AKAP8L: variants seen among roughly 807,000 people sequenced by gnomAD.
AKAP8L encodes the protein A-kinase anchoring protein 8 like, also known as A-kinase anchor protein 8-like.
Under a neutral mutation model 77.5 loss-of-function variants are expected in AKAP8L, and 34 were observed. The observed-to-expected ratio is 0.44, with a 90% CI of 0.33 to 0.58. The LOEUF is 0.58. AKAP8L is among the 20% of genes least tolerant of loss of function. The pLI is 0.02. For synonymous variants in AKAP8L, 342 were observed against 340.7 expected, an observed-to-expected ratio of 1.00 and a Z score of -0.04; for missense variants, 806 against 887.6, an observed-to-expected ratio of 0.91 and a Z score of 1.17.
At chr19:15,392,220 G>A (rs1193206923) in intron 12 of AKAP8L, among the ~76,000 whole-genome samples, 1 of 152,254 alleles carries the variant, frequency 6.6e-6, no homozygotes, top group East Asian at 1.9e-4. Flanking sequence ...TATTGGCTGA[G>A]CACAGTGGCT....
chr19:15,400,873 G>A lies in AKAP8L; in HGVS notation c.914-9C>T. 6.2e-7 allele frequency: 1 copy of A among 1,614,030 alleles called. No individual in the cohort carries two copies. The highest frequency in any genetic ancestry group is 8.5e-7 in the Non-Finnish European group (1 of 1,179,886). On this transcript the variant is annotated splice_polypyrimidine_tract_variant and intron_variant, in intron 6 of 13. Transcript: ENST00000397410. ...CCCCTCGGTGCCCTCATCTGAAAGG[G>A]AAAAGGAGGTAAGCTCAACCCAGGA...
chr19:15,414,709 C>T (rs1225453067), intron 1 of AKAP8L, among the ~76,000 whole-genome samples: 1 of 151,416 alleles, frequency 6.6e-6, no homozygotes, highest in Non-Finnish European at 1.5e-5. Context: ...AGGATGGTCT[C>T]GATCTCCTGA....
At chr19:15,384,386 G>A (rs1423191319) in intron 12 of AKAP8L, among the ~76,000 whole-genome samples, 3 of 144,356 alleles carry the variant, frequency 2.1e-5, no homozygotes, top group Non-Finnish European at 4.5e-5. Flanking sequence ...TGCAACCTCC[G>A]CCTCCCAGGT....
intron 12 of AKAP8L, among the ~76,000 whole-genome samples, chr19:15,395,224 G>C (rs1039883018): frequency 4.0e-5 from 6 of 151,664 alleles, no homozygotes; most frequent in African/African-American, 1.5e-4. Flanking sequence ...TAGTAGAGAC[G>C]GGTTTCACCA....
intron 1 of AKAP8L, 105 bp downstream of exon 1, chr19:15,418,806 G>T: frequency 8.8e-7 from 1 of 1,138,974 alleles, no homozygotes; most frequent in Non-Finnish European, 1.3e-6. Flanking sequence ...CCGCAGGGAA[G>T]GCAGTGACGG....
chr19:15,392,984 T>A (rs1344539123), intron 12 of AKAP8L, among the ~76,000 whole-genome samples: 1 of 150,984 alleles, frequency 6.6e-6, no homozygotes, highest in Non-Finnish European at 1.5e-5. Context: ...ATTTACTAGA[T>A]CTCAGTAAAT....
intron 12 of AKAP8L, among the ~76,000 whole-genome samples, chr19:15,391,755 G>C (rs1455108762): frequency 2.0e-5 from 3 of 151,668 alleles, no homozygotes; most frequent in African/African-American, 7.3e-5. Flanking sequence ...AGCCAGGATG[G>C]TCTGGATCTC....
At chr19:15,386,112 G>C (rs917708837) in intron 12 of AKAP8L, among the ~76,000 whole-genome samples, 1 of 151,704 alleles carries the variant, frequency 6.6e-6, no homozygotes, top group African/African-American at 2.4e-5. Flanking sequence ...GGGTTTCACC[G>C]TGTTAGCCAG....
Position 15,398,958 on chromosome 19 carries a change from G to A in AKAP8L, c.1157+344C>T. The A allele has an allele frequency of 2.5e-6, 1 of 396,748 alleles. No homozygotes were observed. The highest frequency in any genetic ancestry group is 4.3e-6 in the Non-Finnish European group (1 of 234,914). 24.6% of individuals were successfully genotyped at this position (396,748 alleles called of 1,614,324 possible). A position where few individuals can be genotyped will look rare whatever the true frequency, so the allele number is the denominator to read the frequency against. ...GCGGCACAGGCGCCTTGGACCTTGAGTCTCTGATGAGCTGGCCCCCTCCCT... is the reference window on the plus strand; with the variant it reads ...GCGGCACAGGCGCCTTGGACCTTGAATCTCTGATGAGCTGGCCCCCTCCCT... On this transcript the variant is annotated intron_variant, in intron 9 of 13. Coordinates refer to ENST00000397410, the MANE Select transcript of AKAP8L (RefSeq NM_014371.4). The surrounding 1 kb of genome is among the most constrained non-coding windows in gnomAD (Gnocchi z 9.2).
Position 15,397,435 on chromosome 19 carries a change from C to G in AKAP8L, c.1405+85G>C. 1 of 1,490,710 alleles carries G rather than the reference C, an allele frequency of 6.7e-7. No homozygotes were observed. Among genetic ancestry groups the G allele is most frequent in the East Asian group, 2.3e-5 (1 of 43,062 alleles). 92.3% of individuals were successfully genotyped at this position (1,490,710 alleles called of 1,614,324 possible). On this transcript the variant is annotated intron_variant, in intron 11 of 13. Coordinates refer to ENST00000397410, the MANE Select transcript of AKAP8L (RefSeq NM_014371.4). This position sits in a 1 kb window ranked among gnomAD's most constrained non-coding sequence, Gnocchi z 4.7. ...GGTCTCCTGACCTTCCCTGGGGGAA[C>G]AGAAGGGTGTCCTGACCCTGCACCG...
At chr19:15,408,006 A>G (rs1205175099) in intron 2 of AKAP8L, among the ~76,000 whole-genome samples, 3 of 152,238 alleles carry the variant, frequency 2.0e-5, no homozygotes, top group African/African-American at 7.2e-5. Flanking sequence ...TCAAGACTGC[A>G]TTGCTGGGCG....
At chr19:15,386,981 G>A (rs186813225) in intron 12 of AKAP8L, among the ~76,000 whole-genome samples, 2 of 152,226 alleles carry the variant, frequency 1.3e-5, no homozygotes, top group East Asian at 3.9e-4. Flanking sequence ...CTCTCATCCC[G>A]CCCCCAGCTA....
chr19:15,418,020 GGCAGTTCCT>G (rs1250563715), intron 1 of AKAP8L, among the ~76,000 whole-genome samples: 1 of 152,226 alleles, frequency 6.6e-6, no homozygotes, highest in Non-Finnish European at 1.5e-5. Flanking sequence ...TAACAAGCCA[GGCAGTTCCT>G]GCCCGTAAGC....
intron 7 of AKAP8L, 71 bp from the exon 8 acceptor site, chr19:15,400,429 A>G: frequency 1.4e-6 from 2 of 1,452,784 alleles, no homozygotes; most frequent in Non-Finnish European, 1.9e-6. Flanking sequence ...CAAGTTTATT[A>G]GAGCAACGGT....
Position 15,397,250 on chromosome 19 carries a change from A to T in AKAP8L, c.1436T>A (p.Val479Glu), listed in dbSNP as rs1248976826. ...EIAMEHFVKK[V>E]EAAHCAACDL... ...GCAGGCTGCACAATGGGCTGCCTCC[A>T]CCTTCTTCACAAAATGCTCCATGGC... Residue 479 changes from valine to glutamate, a missense_variant, in exon 12 of 14, where the codon GTG becomes GAG. This residue lies in a region of AKAP8L where 580 missense variants were observed against 694.1 expected (regional missense o/e 0.84). Transcript: ENST00000397410. The surrounding 1 kb of genome is among the most constrained non-coding windows in gnomAD (Gnocchi z 4.7). The T allele has an allele frequency of 6.2e-7, 1 of 1,613,960 alleles. No individual in the cohort carries two copies. The highest frequency in any genetic ancestry group is 1.1e-5 in the South Asian group (1 of 91,082).
intron 4 of AKAP8L, among the ~76,000 whole-genome samples, chr19:15,402,209 A>G (rs771913125): frequency 2.0e-5 from 3 of 152,180 alleles, no homozygotes; most frequent in African/African-American, 4.8e-5. Flanking sequence ...TCAACCCTGG[A>G]GCCCAGAGCC....
At chr19:15,387,682 C>T (rs2145110595) in intron 12 of AKAP8L, among the ~76,000 whole-genome samples, 1 of 152,190 alleles carries the variant, frequency 6.6e-6, no homozygotes, top group Admixed American at 6.6e-5. Context: ...CCTCTTGGGC[C>T]TGGCATAGTG....
chr19:15,397,007 C>T lies in AKAP8L; in HGVS notation c.1536+143G>A, dbSNP rs916946558. The T allele has an allele frequency of 1.3e-5, 15 of 1,182,886 alleles. No homozygotes were observed. The Admixed American group carries it at 1.8e-4, about 14-fold the overall frequency. The allele number at this position is 1,182,886 out of a possible 1,614,324, so 73.3% of individuals were successfully genotyped here. On this transcript the variant is annotated intron_variant, in intron 12 of 13. Transcript: ENST00000397410. The surrounding 1 kb of genome is among the most constrained non-coding windows in gnomAD (Gnocchi z 4.7). ...TCTCTCTGTAGCTGTGCTGCCTGCA[C>T]TGAGCTGGAAATGTCCATATCCACC...
At position 15,380,160 on chromosome 19, in the gene AKAP8L, C is replaced by T. The variant is rs1396517146; in HGVS notation, c.1903G>A (p.Val635Met). The T allele has an allele frequency of 2.7e-6, 4 of 1,504,548 alleles. No homozygotes were observed. The highest frequency in any genetic ancestry group is 1.4e-5 in the African/African-American group (1 of 68,988). 93.2% of individuals were successfully genotyped at this position (1,504,548 alleles called of 1,614,324 possible). ...RQIRGIPGLD[V>M]EDDEEGGGGA... is the part of the protein sequence containing the mutation. ...CCGCCGCCCTCCTCGTCGTCCTCCA[C>T]GTCGAGGCCCGGGATGCCGCGGATC... Residue 635 changes from valine to methionine, a missense_variant, in exon 14 of 14, where the codon GTG becomes ATG. Val to Met is a conservative substitution (Grantham distance 21). This residue lies in a region of AKAP8L where 226 missense variants were observed against 193.5 expected (regional missense o/e 1.17). Coordinates refer to ENST00000397410, the MANE Select transcript of AKAP8L (RefSeq NM_014371.4).
Sources: gnomAD v4.1 joint callset for allele counts (sites outside exome capture counted in the v4.1 genomes callset) on GRCh38, gnomAD v4.1.1 for gene constraint, gnomAD v4.1.1 regional missense constraint, Gnocchi (gnomAD v3.1) non-coding constraint, MANE v1.5 for transcripts, NCBI Gene and HGNC (gene_info 2026-07-23, HGNC 2026-07-21) for gene names.